FBXO17: variants seen among roughly 807,000 people sequenced by gnomAD.
FBXO17 encodes F-box only protein 17.
Under a neutral mutation model 34.1 loss-of-function variants are expected in FBXO17, and 43 were observed. The observed-to-expected ratio is 1.26, with a 90% CI of 0.99 to 1.62. FBXO17 has a LOEUF of 1.62. FBXO17 is among the 40% of genes most tolerant of loss of function. The probability of loss-of-function intolerance (pLI) is 0.00; values close to 1 mark genes in which losing one functional copy is unlikely to be tolerated. For synonymous variants in FBXO17, 169 were observed against 166.0 expected (o/e 1.02, Z -0.14); for missense variants, 424 against 386.7 (o/e 1.10, Z -0.81).
intron 1 of FBXO17, among the ~76,000 whole-genome samples, chr19:38,968,226 G>A (rs1223158402): frequency 6.6e-6 from 1 of 152,020 alleles, no homozygotes; most frequent in Non-Finnish European, 1.5e-5. Context: ...GGCTAAGGCA[G>A]GAGAATCACT....
Position 38,942,654 on chromosome 19 carries a change from G to T in FBXO17, c.791C>A (p.Ala264Asp), listed in dbSNP as rs770959069. 6.3e-7 allele frequency: 1 copy of T among 1,599,782 alleles called. No homozygotes were observed. Among genetic ancestry groups the T allele is most frequent in the Admixed American group, 1.7e-5 (1 of 57,340 alleles). ...CCTCACACTGGAGTGGGTCACAAGG[G>T]CGCCATAGTGCCCCACCCAGGAACT... Reference protein sequence around the residue: ...DVSSWVGHYGALVTHSSVRVR... With the variant: ...DVSSWVGHYGDLVTHSSVRVR... Residue 264 changes from alanine to aspartate, a missense_variant, in exon 6 of 6, where the codon GCC (alanine) becomes GAC (aspartate). Coordinates refer to ENST00000292852, the MANE Select transcript of FBXO17 (RefSeq NM_024907.7).
At chr19:38,958,099 C>T (rs1032245725) in intron 1 of FBXO17, among the ~76,000 whole-genome samples, 4 of 141,526 alleles carry the variant, frequency 2.8e-5, no homozygotes, top group African/African-American at 5.4e-5. Context: ...GAGTGAGATC[C>T]TGCCTCAAAA....
chr19:38,945,254 G>C (rs1974958429), intron 4 of FBXO17, 150 bp from the exon 5 acceptor site: 3 of 1,050,308 alleles, frequency 2.9e-6, no homozygotes, highest in Non-Finnish European at 2.7e-6. Flanking sequence ...ACCTCTAGGG[G>C]AGGAGCCTTG....
At chr19:38,961,171 G>A (rs1370183193) in intron 1 of FBXO17, among the ~76,000 whole-genome samples, 1 of 151,928 alleles carries the variant, frequency 6.6e-6, no homozygotes, top group East Asian at 1.9e-4. Flanking sequence ...CACAGCAGCA[G>A]CCTCAATTAA....
chr19:38,970,295 A>G (rs556467800), intron 1 of FBXO17, among the ~76,000 whole-genome samples: 1 of 151,934 alleles, frequency 6.6e-6, no homozygotes, highest in Admixed American at 6.6e-5. Context: ...GCAGCCTCCA[A>G]TTTCTGGACT....
chr19:38,961,917 C>T (rs997912615), intron 1 of FBXO17, among the ~76,000 whole-genome samples: 2 of 152,062 alleles, frequency 1.3e-5, no homozygotes, highest in African/African-American at 4.8e-5. Flanking sequence ...CCTGCGTCGG[C>T]CTCCCAAAGT....
chr19:38,958,158 T>C (rs542963778), intron 1 of FBXO17, among the ~76,000 whole-genome samples: 1 of 148,634 alleles, frequency 6.7e-6, no homozygotes, highest in South Asian at 2.1e-4. Context: ...ATGCCTGTAA[T>C]CTCAGCACTT....
intron 3 of FBXO17, chr19:38,947,265 G>C (rs1410051527): frequency 1.3e-5 from 2 of 152,288 alleles, no homozygotes; most frequent in East Asian, 3.9e-4. Context: ...GGAAGGATGG[G>C]TAAGTTGAGC....
intron 1 of FBXO17, among the ~76,000 whole-genome samples, chr19:38,958,229 T>C (rs1369731879): frequency 2.7e-5 from 4 of 150,584 alleles, no homozygotes; most frequent in Admixed American, 2.0e-4. Context: ...CTAGCCAACA[T>C]GGTGAAACCC....
chr19:38,950,051 T>G lies in FBXO17; in HGVS notation c.269A>C (p.Glu90Ala). 6.4e-7 allele frequency: 1 copy of G among 1,568,394 alleles called. No individual in the cohort carries two copies. Residue 90 changes from glutamate (E) to alanine (A), a missense_variant, in exon 2 of 6, where the codon GAG (glutamate) becomes GCG (alanine). Transcript: ENST00000292852. ...GCGCGCCAGGGCGCACAGCGGGAAC[T>G]CCTCCTTGTCTTCGTTGCTGGGCAG... ...RCLPSNEDKE[E>A]FPLCALARYC... is the part of the protein sequence containing the mutation.
intron 1 of FBXO17, among the ~76,000 whole-genome samples, chr19:38,958,182 T>C (rs1431584539): frequency 1.4e-5 from 2 of 146,894 alleles, no homozygotes; most frequent in Non-Finnish European, 3.0e-5. Flanking sequence ...GAGACCAAGG[T>C]GGGTGGATCA....
At chr19:38,966,384 C>T (rs946747360) in intron 1 of FBXO17, among the ~76,000 whole-genome samples, 8 of 151,326 alleles carry the variant, frequency 5.3e-5, no homozygotes, top group African/African-American at 1.5e-4. Context: ...ATGATTCTCC[C>T]GTCTCAGCCT....
chr19:38,948,240 T>G (rs1975015695), intron 3 of FBXO17, among the ~76,000 whole-genome samples: 1 of 152,072 alleles, frequency 6.6e-6, no homozygotes, highest in Non-Finnish European at 1.5e-5. Context: ...GCTCTCAAAG[T>G]GCTGGGATTA....
intron 1 of FBXO17, among the ~76,000 whole-genome samples, chr19:38,961,657 C>CGGTTTGTTT (rs60276540): frequency 7.3e-5 from 11 of 151,116 alleles, no homozygotes; most frequent in East Asian, 2.0e-4. Flanking sequence ...AACTACTATT[C>CGGTTTGTTT]TGTTTTGTTT....
intron 1 of FBXO17, chr19:38,952,828 C>A (rs1457106176): frequency 2.2e-6 from 1 of 457,290 alleles, no homozygotes; most frequent in East Asian, 6.9e-5. Context: ...ACCTCAATCT[C>A]ACACTCACTC....
intron 1 of FBXO17, among the ~76,000 whole-genome samples, chr19:38,961,886 C>G (rs1481467135): frequency 1.3e-5 from 2 of 152,004 alleles, no homozygotes; most frequent in African/African-American, 4.8e-5. Context: ...TGGTCTTGAA[C>G]TCCTGAGCTC....
chr19:38,956,807 G>A (rs1471564610), intron 1 of FBXO17, among the ~76,000 whole-genome samples: 1 of 152,100 alleles, frequency 6.6e-6, no homozygotes, highest in African/African-American at 2.4e-5. Context: ...TTGAACCTGG[G>A]AGGTGGAGGT....
chr19:38,959,041 T>G (rs1041642213), intron 1 of FBXO17, among the ~76,000 whole-genome samples: 4 of 152,102 alleles, frequency 2.6e-5, no homozygotes, highest in Admixed American at 2.0e-4. Context: ...TAGATGGGAC[T>G]GCAGACACAT....
chr19:38,942,777 G>A (rs941328108), intron 5 of FBXO17, 26 bp from the exon 6 acceptor site: 8 of 1,587,500 alleles, frequency 5.0e-6, no homozygotes, highest in Non-Finnish European at 6.8e-6. Flanking sequence ...GAGTGAGAGG[G>A]TGAGGGCCTG....
Sources: gnomAD v4.1 joint callset for allele counts (sites outside exome capture counted in the v4.1 genomes callset) on GRCh38, gnomAD v4.1.1 for gene constraint, MANE v1.5 for transcripts, NCBI Gene and HGNC (gene_info 2026-07-23, HGNC 2026-07-21) for gene names.